FRK: variants seen among roughly 807,000 people sequenced by gnomAD.
FRK encodes fyn related Src family tyrosine kinase.
In FRK, 51 loss-of-function variants were observed where a neutral mutation model predicts 56.4. The observed-to-expected ratio is 0.90, with a 90% confidence interval of 0.72 to 1.14. The LOEUF (loss-of-function observed/expected upper bound fraction) is 1.14. Ranked by LOEUF, FRK falls within the 50% of genes most tolerant of loss-of-function variation. The pLI is 0.00. For missense variants in FRK, 570 were observed against 601.4 expected, an observed-to-expected ratio of 0.95 and a Z score of 0.55; for synonymous variants, 245 against 217.9, an observed-to-expected ratio of 1.12 and a Z score of -1.10.
chr6:116,048,975 CTT>C (rs71012323), intron 1 of FRK, among the ~76,000 whole-genome samples: 130 of 147,570 alleles, frequency 8.8e-4, no homozygotes, highest in African/African-American at 3.1e-3. Flanking sequence ...CCCTGCACTT[CTT>C]TTTTTTTTTT....
chr6:116,047,867 C>T (rs567805715), intron 1 of FRK, among the ~76,000 whole-genome samples: 28 of 152,338 alleles, frequency 1.8e-4, no homozygotes, highest in African/African-American at 6.7e-4. Flanking sequence ...GTCACATTTG[C>T]AACTGTCCCA....
At chr6:115,978,568 C>A (rs1194704147) in intron 2 of FRK, among the ~76,000 whole-genome samples, 1 of 152,024 alleles carries the variant, frequency 6.6e-6, no homozygotes, top group Non-Finnish European at 1.5e-5. Flanking sequence ...TATTAATAAA[C>A]TATTAATAAA....
At chr6:116,068,847 A>C in the FRK span, among the ~76,000 whole-genome samples, 1 of 151,820 alleles carries the variant, frequency 6.6e-6, no homozygotes, top group Non-Finnish European at 1.5e-5. Context: ...AAAAAAAAAA[A>C]CTTTTTAAAG....
In FRK at chr6:115,935,481, G is replaced by C. The variant is rs964388344; in HGVS notation, c.*6933C>G. 6.6e-6 allele frequency: 1 copy of C among 152,630 alleles called. No homozygotes were observed. Among genetic ancestry groups the C allele is most frequent in the African/African-American group, 2.4e-5 (1 of 41,462 alleles). The allele number at this position is 152,630 out of a possible 1,614,324, so 9.5% of individuals were successfully genotyped here. On this transcript the variant is annotated 3_prime_UTR_variant, in exon 8 of 8. Transcript: ENST00000606080. Reference sequence around the variant, plus strand: ...ATTTTCCATACCCCAGTGGTGCCTGGAATGCCAGCAAGGCAGAACCATTCA... The same window carrying C: ...ATTTTCCATACCCCAGTGGTGCCTGCAATGCCAGCAAGGCAGAACCATTCA...
chr6:115,936,757 G>C lies in FRK; in HGVS notation c.*5657C>G, dbSNP rs1299120770. 1 of 152,108 alleles carries C rather than the reference G, an allele frequency of 6.6e-6. No homozygotes were observed. The highest frequency in any genetic ancestry group is 6.6e-5 in the Admixed American group (1 of 15,262). 9.4% of individuals were successfully genotyped at this position (152,108 alleles called of 1,614,324 possible). On this transcript the variant is annotated 3_prime_UTR_variant, in exon 8 of 8. Transcript: ENST00000606080. Reference sequence around the variant, plus strand: ...TGAAGATCAACTTAATGAAATAAAGGAGAAGACAAGATTAGAGAAAAAAGA... The same window carrying C: ...TGAAGATCAACTTAATGAAATAAAGCAGAAGACAAGATTAGAGAAAAAAGA...
At chr6:116,069,693 A>G in the FRK span, among the ~76,000 whole-genome samples, 1 of 152,192 alleles carries the variant, frequency 6.6e-6, no homozygotes, top group Admixed American at 6.5e-5. Flanking sequence ...TATGAATGTC[A>G]TTCTGCACTA....
chr6:115,936,033 T>G lies in FRK; in HGVS notation c.*6381A>C, dbSNP rs1562243560. On this transcript the variant is annotated 3_prime_UTR_variant, in exon 8 of 8. Transcript: ENST00000606080. ...TCCTCAAGTGGGTCCCTGACCCTCG[T>G]TTATCCTGATTGGGAGATATCTCCC... 1 of 153,432 alleles carries G rather than the reference T, an allele frequency of 6.5e-6. No homozygotes were observed. 9.5% of individuals were successfully genotyped at this position (153,432 alleles called of 1,614,324 possible). A position where few individuals can be genotyped will look rare whatever the true frequency, so the allele number is the denominator to read the frequency against.
chr6:115,942,978 T>G (rs1417226626), intron 7 of FRK, 42 bp downstream of exon 7: 1 of 1,580,146 alleles, frequency 6.3e-7, no homozygotes, highest in Non-Finnish European at 8.6e-7. Context: ...CCTAAGTAAG[T>G]GACATGCAGC....
At position 115,934,062 on chromosome 6, in the gene FRK, C is replaced by T. The variant is rs985713078; in HGVS notation, c.*8352G>A. On this transcript the variant is annotated 3_prime_UTR_variant, in exon 8 of 8. Coordinates refer to ENST00000606080, the MANE Select transcript of FRK (RefSeq NM_002031.3). ...TAAATATATACACACTCAACATACC[C>T]GCATGTATATATTTAGAGAGAGAGA... The T allele has an allele frequency of 6.6e-6, 1 of 151,834 alleles. No homozygotes were observed. Among genetic ancestry groups the T allele is most frequent in the Non-Finnish European group, 1.5e-5 (1 of 67,978 alleles). The allele number at this position is 151,834 out of a possible 1,614,324, so 9.4% of individuals were successfully genotyped here.
At position 115,956,499 on chromosome 6, in the gene FRK, A is replaced by G; in HGVS notation, c.911T>C (p.Ile304Thr). 6.3e-7 allele frequency: 1 copy of G among 1,581,618 alleles called. No homozygotes were observed. Among genetic ancestry groups the G allele is most frequent in the Non-Finnish European group, 8.6e-7 (1 of 1,163,968 alleles). ...TCCATGTCTCATCAACTCTGTAATA[A>G]TATAAATTGGATCTTCTAAAGTGCA... ...AVCTLEDPIY[I>T]ITELMRHGSL... is the part of the protein sequence containing the mutation. The change falls in exon 5 of 8, where the codon ATT becomes ACT. Residue 304 changes from isoleucine (I) to threonine (T), a missense_variant. Transcript: ENST00000606080.
chr6:115,948,593 C>A (rs1464427482), intron 5 of FRK, among the ~76,000 whole-genome samples: 1 of 152,198 alleles, frequency 6.6e-6, no homozygotes, highest in African/African-American at 2.4e-5. Flanking sequence ...CATTTCCTAG[C>A]AATCTCACCC....
intron 1 of FRK, among the ~76,000 whole-genome samples, chr6:116,016,997 A>C (rs917802245): frequency 6.6e-6 from 1 of 152,188 alleles, no homozygotes; most frequent in East Asian, 1.9e-4. Flanking sequence ...GTCAGGAAAC[A>C]AAAGGAAGGC....
intron 5 of FRK, among the ~76,000 whole-genome samples, chr6:115,946,459 T>C (rs1772457135): frequency 6.6e-6 from 1 of 152,090 alleles, no homozygotes; most frequent in Admixed American, 6.6e-5. Flanking sequence ...AAGAACTCAA[T>C]AAATCCTATC....
chr6:115,958,784 G>C (rs1178597265), intron 4 of FRK, among the ~76,000 whole-genome samples: 4 of 97,964 alleles, frequency 4.1e-5, no homozygotes, highest in African/African-American at 1.2e-4. Flanking sequence ...GGGAAGGAGA[G>C]AGAGAAAGAA....
chr6:115,978,062 A>C (rs1177551061), intron 2 of FRK, among the ~76,000 whole-genome samples: 2 of 152,170 alleles, frequency 1.3e-5, no homozygotes, highest in Non-Finnish European at 2.9e-5. Context: ...ATGCTCAGAG[A>C]AATAACTTGA....
At chr6:116,050,168 A>G (rs990205453) in intron 1 of FRK, among the ~76,000 whole-genome samples, 1 of 152,196 alleles carries the variant, frequency 6.6e-6, no homozygotes, top group African/African-American at 2.4e-5. Context: ...TCTGTTGAAC[A>G]TAAATAATCT....
chr6:115,960,220 T>C (rs1355986361), intron 4 of FRK, among the ~76,000 whole-genome samples: 3 of 150,938 alleles, frequency 2.0e-5, no homozygotes, highest in African/African-American at 4.9e-5. Context: ...GGGCGAGGCA[T>C]TGCCTCACCT....
At chr6:116,052,623 T>C (rs1332826621) in intron 1 of FRK, among the ~76,000 whole-genome samples, 1 of 151,862 alleles carries the variant, frequency 6.6e-6, no homozygotes, top group Non-Finnish European at 1.5e-5. Context: ...GTCTAGTATG[T>C]CAGGAAAGGC....
rs1772028117 is a variant in FRK, at chr6:115,935,476, GC to G, written c.*6937del. ...GTTTTATTTTCCATACCCCAGTGGT[GC>G]CTGGAATGCCAGCAAGGCAGAACCA... On this transcript the variant is annotated 3_prime_UTR_variant, in exon 8 of 8. Coordinates refer to ENST00000606080, the MANE Select transcript of FRK (RefSeq NM_002031.3). 1 of 152,650 alleles carries G rather than the reference GC, an allele frequency of 6.6e-6. No homozygotes were observed. The highest frequency in any genetic ancestry group is 1.5e-5 in the Non-Finnish European group (1 of 68,394). The allele number at this position is 152,650 out of a possible 1,614,324, so 9.5% of individuals were successfully genotyped here.
Sources: gnomAD v4.1 joint callset for allele counts (sites outside exome capture counted in the v4.1 genomes callset) on GRCh38, gnomAD v4.1.1 for gene constraint, MANE v1.5 for transcripts, NCBI Gene and HGNC (gene_info 2026-07-23, HGNC 2026-07-21) for gene names.